PDE3A: variants seen among roughly 807,000 people sequenced by gnomAD.
PDE3A encodes phosphodiesterase 3A.
In PDE3A, 43 loss-of-function variants were observed where a neutral mutation model predicts 98.3. The ratio of observed to expected loss-of-function variants is 0.44; its 90% CI spans 0.34 to 0.56. The LOEUF (loss-of-function observed/expected upper bound fraction) is 0.56. PDE3A is among the 20% of genes least tolerant of loss of function. PDE3A has a pLI of 0.01. For synonymous variants in PDE3A, 663 were observed against 567.9 expected, an observed-to-expected ratio of 1.17 and a Z score of -2.38; for missense variants, 1,427 against 1,440.7, an observed-to-expected ratio of 0.99 and a Z score of 0.15.
chr12:20,665,341 TA>T (rs1435555249), intron 15 of PDE3A, among the ~76,000 whole-genome samples: 5 of 152,220 alleles, frequency 3.3e-5, no homozygotes, highest in African/African-American at 9.6e-5. Context: ...CTTTGAAATA[TA>T]TTTTTTTCTG....
intron 2 of PDE3A, among the ~76,000 whole-genome samples, chr12:20,570,856 T>A (rs1268433778): frequency 6.6e-6 from 1 of 152,124 alleles, no homozygotes; most frequent in East Asian, 1.9e-4. Context: ...CTGTACAGAC[T>A]AGAATTGTCA....
At chr12:20,527,857 T>C (rs1357751353) in intron 1 of PDE3A, among the ~76,000 whole-genome samples, 1 of 152,042 alleles carries the variant, frequency 6.6e-6, no homozygotes, top group Non-Finnish European at 1.5e-5. Flanking sequence ...CCCATCATTT[T>C]ATATGTTGCG....
At chr12:20,461,934 G>C (rs1945258543) in intron 1 of PDE3A, among the ~76,000 whole-genome samples, 2 of 152,194 alleles carry the variant, frequency 1.3e-5, no homozygotes, top group South Asian at 4.1e-4. Flanking sequence ...AATTAGAATG[G>C]GAATGAAAGG....
At chr12:20,519,454 A>G (rs1946382511) in intron 1 of PDE3A, among the ~76,000 whole-genome samples, 2 of 152,342 alleles carry the variant, frequency 1.3e-5, no homozygotes, top group African/African-American at 4.8e-5. Context: ...GATATCCGCA[A>G]TAATAAAGGA....
chr12:20,545,777 C>CAAAAAA (rs5796868), intron 1 of PDE3A, among the ~76,000 whole-genome samples: 3 of 141,130 alleles, frequency 2.1e-5, no homozygotes, highest in Non-Finnish European at 4.6e-5. Context: ...TAGTGGCTGC[C>CAAAAAA]AAAAAAAAAA....
intron 1 of PDE3A, among the ~76,000 whole-genome samples, chr12:20,476,954 C>G (rs1326468268): frequency 6.6e-6 from 1 of 152,154 alleles, no homozygotes; most frequent in Non-Finnish European, 1.5e-5. Context: ...TTTGTCTTGT[C>G]TAACAGGATT....
intron 1 of PDE3A, among the ~76,000 whole-genome samples, chr12:20,527,438 T>C (rs1946545272): frequency 1.3e-5 from 2 of 152,130 alleles, no homozygotes; most frequent in Admixed American, 1.3e-4. Context: ...AGCAAAAACA[T>C]TGTTTCTGGC....
At position 20,524,412 on chromosome 12, in the gene PDE3A, T is replaced by C. The variant is rs543144461; in HGVS notation, c.961-32248T>C. Among the ~76,000 whole-genome samples the C allele has an allele frequency of 1.3e-5, 2 of 152,284 alleles. 1 individual carries two copies. Among genetic ancestry groups the C allele is most frequent in the African/African-American group, 4.8e-5 (2 of 41,568 alleles). On this transcript the variant is annotated intron_variant, in intron 1 of 15. Coordinates refer to ENST00000359062, the MANE Select transcript of PDE3A (RefSeq NM_000921.5). ...AGAGAGGGGGGATCTTCAGTTATCT[T>C]CTAGAATGTGACAAAATTTTGCCAA...
chr12:20,554,367 A>T (rs888604682), intron 1 of PDE3A, among the ~76,000 whole-genome samples: 4 of 5,448 alleles, frequency 7.3e-4, no homozygotes, highest in African/African-American at 7.9e-4. Flanking sequence ...GATAAAAAAA[A>T]AAAAATAAAA....
At chr12:20,533,478 CTTTTTTTT>C (rs10707682) in intron 1 of PDE3A, among the ~76,000 whole-genome samples, 1 of 124,648 alleles carries the variant, frequency 8.0e-6, no homozygotes, top group Non-Finnish European at 1.7e-5. Context: ...GTTTCTTTTT[CTTTTTTTT>C]TTTTTTTTGT....
At chr12:20,395,941 G>T (rs957158953) in intron 1 of PDE3A, among the ~76,000 whole-genome samples, 1 of 151,646 alleles carries the variant, frequency 6.6e-6, no homozygotes, top group Non-Finnish European at 1.5e-5. Flanking sequence ...TGTCACTCAG[G>T]CTGAAGTGCA....
intron 10 of PDE3A, among the ~76,000 whole-genome samples, chr12:20,645,771 G>A (rs1291681799): frequency 6.6e-6 from 1 of 151,884 alleles, no homozygotes; most frequent in East Asian, 1.9e-4. Context: ...GGCATTATCT[G>A]GTTAATGGCA....
chr12:20,428,834 G>A (rs1944646085), intron 1 of PDE3A, among the ~76,000 whole-genome samples: 1 of 152,178 alleles, frequency 6.6e-6, no homozygotes, highest in Admixed American at 6.5e-5. Flanking sequence ...ATTGATAGTT[G>A]TGTGCAACAG....
chr12:20,540,720 C>A (rs1941874230), intron 1 of PDE3A, among the ~76,000 whole-genome samples: 1 of 151,892 alleles, frequency 6.6e-6, no homozygotes, highest in Admixed American at 6.6e-5. Context: ...TCTTAAATTT[C>A]TCCACAAGTA....
intron 1 of PDE3A, among the ~76,000 whole-genome samples, chr12:20,527,972 C>T (rs1031587921): frequency 4.0e-5 from 6 of 151,498 alleles, no homozygotes; most frequent in Non-Finnish European, 5.9e-5. Flanking sequence ...TCTGTCTACC[C>T]GGCTGTAAGT....
At position 20,682,922 on chromosome 12, in the gene PDE3A, G is replaced by T. The variant is rs1297096462; in HGVS notation, c.*2651G>T. ...TTGACAGTTTCATCAAAGCTGTATA[G>T]TCCAACTAGTGGGGCAGCTTGGCTA... On this transcript the variant is annotated 3_prime_UTR_variant, in exon 16 of 16. Transcript: ENST00000359062. The T allele has an allele frequency of 2.6e-5, 4 of 152,188 alleles. No individual in the cohort carries two copies. The East Asian group carries it at 7.7e-4, about 29-fold the overall frequency. The allele number at this position is 152,188 out of a possible 1,614,324, so 9.4% of individuals were successfully genotyped here.
chr12:20,372,816 C>T (rs1471830910), intron 1 of PDE3A, among the ~76,000 whole-genome samples: 3 of 152,134 alleles, frequency 2.0e-5, no homozygotes, highest in Non-Finnish European at 2.9e-5. Flanking sequence ...AGAACTTAAA[C>T]GCACAGTCTG....
Position 20,633,782 on chromosome 12 carries a change from AT to A in PDE3A, c.1846+6del, listed in dbSNP as rs765060765. On this transcript the variant is annotated splice_donor_5th_base_variant and intron_variant, in intron 7 of 15. Transcript: ENST00000359062. ...ACTCGGACACCAAGTAGAACAGGTA[AT>A]TCATTGTTTTGGATTCTGTTGCCCA... 2 of 1,557,932 alleles carry A rather than the reference AT, an allele frequency of 1.3e-6. No individual in the cohort carries two copies.
chr12:20,647,778 T>C (rs1944812530), intron 12 of PDE3A, among the ~76,000 whole-genome samples: 1 of 152,154 alleles, frequency 6.6e-6, no homozygotes, highest in Admixed American at 6.6e-5. Context: ...TAATTTTTTC[T>C]TGACTATCTA....
Sources: gnomAD v4.1 joint callset for allele counts (sites outside exome capture counted in the v4.1 genomes callset) on GRCh38, gnomAD v4.1.1 for gene constraint, MANE v1.5 for transcripts, NCBI Gene and HGNC (gene_info 2026-07-23, HGNC 2026-07-21) for gene names.